Variants in RHOJ observed in about 807,000 individuals in gnomAD.
RHOJ encodes the protein ras homolog family member J.
RHOJ carries 11 observed loss-of-function variants against 23.4 expected under a neutral mutation model. The observed-to-expected ratio is 0.47, with a 90% CI of 0.30 to 0.78. The LOEUF (loss-of-function observed/expected upper bound fraction) is 0.78. RHOJ is among the 30% of genes least tolerant of loss of function. The probability of loss-of-function intolerance (pLI) is 0.08; values close to 1 mark genes in which losing one functional copy is unlikely to be tolerated. For missense variants in RHOJ, 254 were observed against 273.4 expected (o/e 0.93, Z 0.50); for synonymous variants, 102 against 102.7 (o/e 0.99, Z 0.04).
intron 1 of RHOJ, among the ~76,000 whole-genome samples, chr14:63,251,418 A>G (rs932740234): frequency 6.6e-6 from 1 of 152,254 alleles, no homozygotes; most frequent in African/African-American, 2.4e-5. Flanking sequence ...CATTATTGTA[A>G]GTCTTCTCTT....
At chr14:63,215,277 C>T (rs374773745) in intron 1 of RHOJ, among the ~76,000 whole-genome samples, 3 of 145,200 alleles carry the variant, frequency 2.1e-5, no homozygotes, top group African/African-American at 7.3e-5. Context: ...GTAACCAGAA[C>T]TCAGCCACCC....
intron 4 of RHOJ, among the ~76,000 whole-genome samples, chr14:63,290,118 C>A (rs1882200703): frequency 6.6e-6 from 1 of 152,122 alleles, no homozygotes; most frequent in Non-Finnish European, 1.5e-5. Flanking sequence ...TGGCACACGC[C>A]TGTAATCCCA....
At chr14:63,231,033 C>T (rs370559721) in intron 1 of RHOJ, among the ~76,000 whole-genome samples, 3 of 151,742 alleles carry the variant, frequency 2.0e-5, no homozygotes, top group Non-Finnish European at 2.9e-5. Context: ...GGACTACAGG[C>T]GCCCACCACC....
rs763706408 is a variant in RHOJ at position 63,291,137 on chromosome 14, G to A, written c.*113G>A. The A allele has an allele frequency of 1.3e-5, 17 of 1,262,560 alleles. No homozygotes were observed. Among genetic ancestry groups the A allele is most frequent in the Middle Eastern group, 3.7e-4 (2 of 5,418 alleles). The allele number at this position is 1,262,560 out of a possible 1,614,324, so 78.2% of individuals were successfully genotyped here. On this transcript the variant is annotated 3_prime_UTR_variant, in exon 5 of 5. Transcript: ENST00000316754. ...GACCAGAAAGGAACTCCCTTTGCAC[G>A]GAGGCTTGCCCCATCACCCTCTGAG...
intron 1 of RHOJ, among the ~76,000 whole-genome samples, chr14:63,225,275 A>T (rs1211071804): frequency 6.6e-6 from 1 of 152,182 alleles, no homozygotes; most frequent in Admixed American, 6.5e-5. Context: ...TTAAACAATA[A>T]AGGTTAGAAA....
rs534575427 is a variant in RHOJ, at chr14:63,205,705, T to C, written c.178+658T>C. On this transcript the variant is annotated intron_variant, in intron 1 of 4. Coordinates refer to ENST00000316754, the MANE Select transcript of RHOJ (RefSeq NM_020663.5). ...AAAATCTGAATCACTTTAAAGTATG[T>C]CCTGAGAGGACAAAATGCACATAAA... Among the ~76,000 whole-genome samples, 10 of 152,334 alleles carry C rather than the reference T, an allele frequency of 6.6e-5. No individual in the cohort carries two copies. The East Asian group carries it at 9.6e-4, about 15-fold the overall frequency.
At chr14:63,218,419 A>C (rs1408919402) in intron 1 of RHOJ, among the ~76,000 whole-genome samples, 1 of 152,174 alleles carries the variant, frequency 6.6e-6, no homozygotes, top group African/African-American at 2.4e-5. Context: ...TTGGCTCAAC[A>C]GTTTTTGGTA....
At chr14:63,238,988 A>AT (rs1354372768) in intron 1 of RHOJ, among the ~76,000 whole-genome samples, 3 of 152,146 alleles carry the variant, frequency 2.0e-5, no homozygotes, top group African/African-American at 7.2e-5. Flanking sequence ...CCACTCTGCT[A>AT]TGTCACACCC....
chr14:63,289,049 A>G (rs1882169125), intron 4 of RHOJ, among the ~76,000 whole-genome samples: 1 of 152,154 alleles, frequency 6.6e-6, no homozygotes, highest in South Asian at 2.1e-4. Context: ...GCCCATAAGC[A>G]ATTCATTTTA....
intron 1 of RHOJ, among the ~76,000 whole-genome samples, chr14:63,243,400 C>T (rs1013224176): frequency 6.6e-6 from 1 of 152,132 alleles, no homozygotes; most frequent in African/African-American, 2.4e-5. Flanking sequence ...AGTACAGTGG[C>T]GTGATCTCAG....
chr14:63,250,628 A>G (rs1895053261), intron 1 of RHOJ, among the ~76,000 whole-genome samples: 1 of 152,088 alleles, frequency 6.6e-6, no homozygotes, highest in African/African-American at 2.4e-5. Flanking sequence ...ATACACCAGG[A>G]CTTTTTTCCA....
chr14:63,258,357 C>T (rs556395276), intron 1 of RHOJ, among the ~76,000 whole-genome samples: 1 of 151,882 alleles, frequency 6.6e-6, no homozygotes, highest in South Asian at 2.1e-4. Context: ...CAGTGTCATA[C>T]TTTACGCAGC....
intron 1 of RHOJ, among the ~76,000 whole-genome samples, chr14:63,233,019 T>G (rs996558309): frequency 6.6e-6 from 1 of 152,090 alleles, no homozygotes; most frequent in Non-Finnish European, 1.5e-5. Flanking sequence ...AAAGACATAT[T>G]TTCATGAGTA....
intron 1 of RHOJ, among the ~76,000 whole-genome samples, chr14:63,231,040 C>T (rs1287346622): frequency 1.3e-5 from 2 of 151,888 alleles, no homozygotes; most frequent in African/African-American, 2.4e-5. Context: ...AGGCGCCCAC[C>T]ACCATGCCCA....
intron 1 of RHOJ, among the ~76,000 whole-genome samples, chr14:63,211,863 G>A (rs1254685209): frequency 1.3e-5 from 2 of 152,162 alleles, no homozygotes; most frequent in African/African-American, 2.4e-5. Context: ...AATGGGGTAA[G>A]TGGAGGCCAT....
chr14:63,237,032 C>G (rs1025991289), intron 1 of RHOJ, among the ~76,000 whole-genome samples: 1 of 152,132 alleles, frequency 6.6e-6, no homozygotes, highest in Non-Finnish European at 1.5e-5. Context: ...ATGTTCAGTA[C>G]AGATGCAATT....
rs547268445 is a variant in RHOJ at position 63,224,408 on chromosome 14, A to G, written c.178+19361A>G. Among the ~76,000 whole-genome samples the G allele has an allele frequency of 1.8e-4, 27 of 152,300 alleles. 3 individuals carry two copies. The South Asian group carries it at 5.4e-3, about 30-fold the overall frequency. ...GCACGGTCTTGTTCCTTTTATGGGT[A>G]GAAATGCCTCCAAGCTGTTTGCATT... On this transcript the variant is annotated intron_variant, in intron 1 of 4. Coordinates refer to ENST00000316754, the MANE Select transcript of RHOJ (RefSeq NM_020663.5).
At chr14:63,239,753 C>T (rs1230175931) in intron 1 of RHOJ, among the ~76,000 whole-genome samples, 1 of 152,148 alleles carries the variant, frequency 6.6e-6, no homozygotes, top group South Asian at 2.1e-4. Flanking sequence ...CCACTGCTAT[C>T]CACTTGCAGG....
At chr14:63,265,856 G>A (rs781277457) in intron 1 of RHOJ, among the ~76,000 whole-genome samples, 1 of 152,228 alleles carries the variant, frequency 6.6e-6, no homozygotes, top group African/African-American at 2.4e-5. Context: ...AAAGGGTTAA[G>A]CTCTGTCTGA....
Sources: gnomAD v4.1 joint callset for allele counts (sites outside exome capture counted in the v4.1 genomes callset) on GRCh38, gnomAD v4.1.1 for gene constraint, MANE v1.5 for transcripts, NCBI Gene and HGNC (gene_info 2026-07-23, HGNC 2026-07-21) for gene names.